Variants in ENTREP2 observed in about 807,000 individuals in gnomAD.
ENTREP2 encodes endosomal transmembrane epsin interactor 2.
chr15:29,176,176 A>C, the ENTREP2 span, among the ~76,000 whole-genome samples: 1 of 152,046 alleles, frequency 6.6e-6, no homozygotes, highest in South Asian at 2.1e-4. Context: ...CATTTAACTG[A>C]TATTCTAACT....
the ENTREP2 span, among the ~76,000 whole-genome samples, chr15:29,480,209 T>C: frequency 2.6e-5 from 4 of 152,038 alleles, no homozygotes; most frequent in African/African-American, 9.7e-5. Context: ...TTTAATAACA[T>C]GTCTGAATAT....
the ENTREP2 span, among the ~76,000 whole-genome samples, chr15:29,597,568 C>CAAA: frequency 7.3e-6 from 1 of 137,730 alleles, no homozygotes; most frequent in Admixed American, 7.3e-5. Flanking sequence ...AACTCTGTCT[C>CAAA]AAAAAAAAAA....
chr15:29,167,314 T>C, the ENTREP2 span, among the ~76,000 whole-genome samples: 1 of 151,652 alleles, frequency 6.6e-6, no homozygotes, highest in East Asian at 1.9e-4. Flanking sequence ...CAAAGATCAA[T>C]AGCTGGGATC....
At chr15:29,264,403 A>G in the ENTREP2 span, among the ~76,000 whole-genome samples, 1 of 152,204 alleles carries the variant, frequency 6.6e-6, no homozygotes, top group Non-Finnish European at 1.5e-5. Context: ...TTTACCTTAA[A>G]GGAGAAAACT....
the ENTREP2 span, among the ~76,000 whole-genome samples, chr15:29,230,680 G>A: frequency 6.6e-6 from 1 of 152,122 alleles, no homozygotes; most frequent in Non-Finnish European, 1.5e-5. Flanking sequence ...AGAGGGAACA[G>A]CACGTACAAG....
the ENTREP2 span, among the ~76,000 whole-genome samples, chr15:29,460,563 G>A: frequency 1.9e-4 from 29 of 151,794 alleles, no homozygotes; most frequent in East Asian, 2.0e-3. Flanking sequence ...GCCCGGAGGC[G>A]GAGGCTGCAG....
chr15:29,367,000 T>A, the ENTREP2 span, among the ~76,000 whole-genome samples: 25,961 of 152,136 alleles, frequency 0.17, 2,425 homozygotes, highest in East Asian at 0.38. Context: ...TCAGAAAAAG[T>A]GGCAAAGACC....
At chr15:29,525,286 CA>C in the ENTREP2 span, among the ~76,000 whole-genome samples, 1 of 152,180 alleles carries the variant, frequency 6.6e-6, no homozygotes, top group Non-Finnish European at 1.5e-5. Context: ...GTGTTCACTC[CA>C]AAACTTGTAC....
At chr15:29,197,765 CAA>C in the ENTREP2 span, among the ~76,000 whole-genome samples, 119 of 117,630 alleles carry the variant, frequency 1.0e-3, no homozygotes, top group African/African-American at 3.5e-3. Flanking sequence ...GACTCCATCT[CAA>C]AAAAAAAAAA....
At chr15:29,207,200 T>C in the ENTREP2 span, among the ~76,000 whole-genome samples, 675 of 151,920 alleles carry the variant, frequency 4.4e-3, 7 homozygotes, top group African/African-American at 0.016. Context: ...GCCGGCCCAT[T>C]ATTGGGGTGT....
the ENTREP2 span, among the ~76,000 whole-genome samples, chr15:29,631,597 T>C: frequency 2.0e-5 from 3 of 152,248 alleles, no homozygotes; most frequent in African/African-American, 7.2e-5. Context: ...TTTTGATGTG[T>C]TGAACTGGTC....
the ENTREP2 span, among the ~76,000 whole-genome samples, chr15:29,306,982 A>G: frequency 2.6e-5 from 4 of 152,086 alleles, no homozygotes; most frequent in Admixed American, 2.6e-4. Flanking sequence ...TCCTGAGATC[A>G]GGCAATCCAC....
At chr15:29,221,739 A>T in the ENTREP2 span, among the ~76,000 whole-genome samples, 1 of 152,176 alleles carries the variant, frequency 6.6e-6, no homozygotes, top group South Asian at 2.1e-4. Flanking sequence ...ATCAAAGTAG[A>T]GCTCCACTTT....
At chr15:29,533,979 G>A in the ENTREP2 span, among the ~76,000 whole-genome samples, 1 of 151,946 alleles carries the variant, frequency 6.6e-6, no homozygotes, top group Non-Finnish European at 1.5e-5. Context: ...GCTCAGGAAC[G>A]TATGGAGACG....
At chr15:29,593,490 C>T in the ENTREP2 span, among the ~76,000 whole-genome samples, 1 of 152,160 alleles carries the variant, frequency 6.6e-6, no homozygotes, top group South Asian at 2.1e-4. Context: ...TGCCCCCTCC[C>T]ATAGGCATAC....
chr15:29,343,033 G>GGGT, the ENTREP2 span, among the ~76,000 whole-genome samples: 16 of 148,158 alleles, frequency 1.1e-4, no homozygotes, highest in East Asian at 2.7e-3. Flanking sequence ...GGAATGGGGG[G>GGGT]GGTGGTTCTT....
the ENTREP2 span, among the ~76,000 whole-genome samples, chr15:29,477,583 A>G: frequency 1.3e-5 from 2 of 152,298 alleles, no homozygotes; most frequent in South Asian, 2.1e-4. Context: ...AAACCTGGCC[A>G]TCAGTGGTCT....
At chr15:29,398,129 G>GC in the ENTREP2 span, among the ~76,000 whole-genome samples, 546 of 149,376 alleles carry the variant, frequency 3.7e-3, 4 homozygotes, top group African/African-American at 0.013. Flanking sequence ...GAAAGACAGA[G>GC]ACTCAAAAAC....
At chr15:29,654,243 G>T in the ENTREP2 span, among the ~76,000 whole-genome samples, 1 of 152,080 alleles carries the variant, frequency 6.6e-6, no homozygotes, top group African/African-American at 2.4e-5. Flanking sequence ...CGGTAAAATT[G>T]TTTTCTCAAA....
Sources: allele counts gnomAD v4.1 joint callset (sites outside exome capture counted in the v4.1 genomes callset), GRCh38; gene constraint gnomAD v4.1.1; transcripts MANE v1.5; gene names NCBI Gene and HGNC (gene_info 2026-07-23, HGNC 2026-07-21).